Variants in GTF2I observed in about 807,000 individuals in gnomAD.
GTF2I encodes the protein general transcription factor II-I.
Under a neutral mutation model 67.6 loss-of-function variants are expected in GTF2I, and 12 were observed. The observed-to-expected ratio is 0.18, with a 90% confidence interval of 0.11 to 0.29. The LOEUF (loss-of-function observed/expected upper bound fraction) is 0.29, where lower values mean the gene tolerates loss of function less well. Among genes scored for constraint, GTF2I ranks in the 10% least tolerant of loss-of-function variants. GTF2I has a pLI of 1.00. For missense variants in GTF2I, 271 were observed against 580.1 expected (o/e 0.47, Z 5.47); for synonymous variants, 149 against 197.0 (o/e 0.76, Z 2.04).
intron 12 of GTF2I, among the ~76,000 whole-genome samples, chr7:74,723,829 G>A (rs1254559805): frequency 2.0e-5 from 3 of 151,390 alleles, no homozygotes; most frequent in Non-Finnish European, 2.9e-5. Flanking sequence ...TCTAGGAAAC[G>A]TGGTGACTAT....
intron 1 of GTF2I, among the ~76,000 whole-genome samples, chr7:74,678,194 A>G (rs1346957207): frequency 6.7e-6 from 1 of 148,746 alleles, no homozygotes; most frequent in Non-Finnish European, 1.5e-5. Flanking sequence ...CGCTGGGATT[A>G]CAGGTGTGAG....
chr7:74,662,473 G>C (rs1192780894), intron 1 of GTF2I, among the ~76,000 whole-genome samples: 1 of 137,906 alleles, frequency 7.3e-6, no homozygotes, highest in Non-Finnish European at 1.5e-5. Flanking sequence ...GCCTCCTTAA[G>C]TGCTGGGATT....
chr7:74,707,925 G>T (rs868978496), intron 8 of GTF2I, among the ~76,000 whole-genome samples: 1 of 150,378 alleles, frequency 6.6e-6, no homozygotes, highest in South Asian at 2.1e-4. Context: ...AATTTATCCT[G>T]CAAATAAGAT....
chr7:74,662,204 C>CTTTTTTTT (rs59914241), intron 1 of GTF2I, among the ~76,000 whole-genome samples: 1 of 82,596 alleles, frequency 1.2e-5, no homozygotes, highest in African/African-American at 5.5e-5. Flanking sequence ...TTTTTTCTTT[C>CTTTTTTTT]TTTTTTTTTT....
chr7:74,701,716 C>T (rs587631149), intron 6 of GTF2I, among the ~76,000 whole-genome samples: 2 of 152,152 alleles, frequency 1.3e-5, no homozygotes, highest in Non-Finnish European at 2.9e-5. Context: ...CCACCCGCCC[C>T]GGCCTCCCAA....
At chr7:74,684,231 A>G (rs1787497831) in intron 1 of GTF2I, among the ~76,000 whole-genome samples, 2 of 152,220 alleles carry the variant, frequency 1.3e-5, no homozygotes, top group Admixed American at 6.5e-5. Context: ...ACATATATTC[A>G]ATAAATGTTC....
At chr7:74,692,686 A>G (rs1254152346) in intron 3 of GTF2I, among the ~76,000 whole-genome samples, 1 of 152,236 alleles carries the variant, frequency 6.6e-6, no homozygotes, top group African/African-American at 2.4e-5. Flanking sequence ...TTTCTTAAAA[A>G]CATGGAAAGG....
At chr7:74,716,651 C>A (rs1223245326) in intron 10 of GTF2I, 1 of 377,634 alleles carries the variant, frequency 2.6e-6, no homozygotes, top group Non-Finnish European at 4.8e-6. Flanking sequence ...ATATTAAATC[C>A]CCAAACCTAC....
intron 3 of GTF2I, among the ~76,000 whole-genome samples, chr7:74,698,389 CTTTTTTTTT>C (rs67968753): frequency 1.3e-4 from 7 of 55,890 alleles, no homozygotes; most frequent in African/African-American, 1.7e-4. Flanking sequence ...CGCACCTGGC[CTTTTTTTTT>C]TTTTTTTTTT....
intron 1 of GTF2I, among the ~76,000 whole-genome samples, chr7:74,682,436 C>T (rs1787351670): frequency 6.6e-6 from 1 of 152,164 alleles, no homozygotes; most frequent in African/African-American, 2.4e-5. Flanking sequence ...AAACATTTCA[C>T]CACTTGACCT....
chr7:74,680,956 G>A (rs587690741), intron 1 of GTF2I, among the ~76,000 whole-genome samples: 14 of 152,306 alleles, frequency 9.2e-5, no homozygotes, highest in Non-Finnish European at 1.5e-4. Context: ...AATGGCTAGA[G>A]TCTTGTTTTC....
chr7:74,693,884 T>C (rs1788618388), intron 3 of GTF2I, among the ~76,000 whole-genome samples: 1 of 152,032 alleles, frequency 6.6e-6, no homozygotes, highest in Non-Finnish European at 1.5e-5. Flanking sequence ...AATAGACCTA[T>C]AGTGGCCTCT....
At chr7:74,689,000 T>C (rs938212505) in intron 1 of GTF2I, 124 bp from the exon 2 acceptor site, 4 of 660,206 alleles carry the variant, frequency 6.1e-6, no homozygotes, top group Non-Finnish European at 1.1e-5. Flanking sequence ...TTCTGAGCCT[T>C]ATTTTGTCTC....
At chr7:74,680,405 G>A (rs1319472710) in intron 1 of GTF2I, among the ~76,000 whole-genome samples, 1 of 151,784 alleles carries the variant, frequency 6.6e-6, no homozygotes, top group African/African-American at 2.4e-5. Flanking sequence ...GATAAGGTTT[G>A]TAAAAATCTT....
rs914716581 is a variant in GTF2I at position 74,714,837 on chromosome 7, A to G, written c.764-20A>G. 6.4e-7 allele frequency: 1 copy of G among 1,571,762 alleles called. No homozygotes were observed. The highest frequency in any genetic ancestry group is 8.7e-7 in the Non-Finnish European group (1 of 1,151,050). On this transcript the variant is annotated intron_variant, in intron 9 of 34. Coordinates refer to ENST00000573035, the MANE Select transcript of GTF2I (RefSeq NM_032999.4). The stretch of plus-strand genomic sequence containing the variant: ...TTTTGGGGGGGATTACTTTTGAAGT[A>G]TTATCTTTGTATCCCAAAGCAGGCC...
intron 3 of GTF2I, among the ~76,000 whole-genome samples, chr7:74,692,471 C>A (rs993937912): frequency 3.3e-5 from 5 of 152,334 alleles, no homozygotes; most frequent in African/African-American, 1.2e-4. Flanking sequence ...CTCCTCCACT[C>A]CCTCACAGAT....
At chr7:74,728,330 A>C (rs1299422419) in intron 12 of GTF2I, among the ~76,000 whole-genome samples, 2 of 151,848 alleles carry the variant, frequency 1.3e-5, no homozygotes, top group Admixed American at 6.6e-5. Flanking sequence ...AAAAACAAAA[A>C]AAAACTATTT....
At chr7:74,690,074 G>A (rs1209140833) in intron 2 of GTF2I, among the ~76,000 whole-genome samples, 23 of 152,098 alleles carry the variant, frequency 1.5e-4, no homozygotes, top group African/African-American at 5.1e-4. Context: ...AAATTAGCCA[G>A]CGTGGCAGCG....
chr7:74,695,754 CATTG>C (rs1243742760), intron 3 of GTF2I, among the ~76,000 whole-genome samples: 2 of 152,020 alleles, frequency 1.3e-5, no homozygotes, highest in South Asian at 2.1e-4. Flanking sequence ...AATGTTCAAG[CATTG>C]ATTATGTTTC....
Sources: allele counts gnomAD v4.1 joint callset (sites outside exome capture counted in the v4.1 genomes callset), GRCh38; gene constraint gnomAD v4.1.1; transcripts MANE v1.5; gene names NCBI Gene and HGNC (gene_info 2026-07-23, HGNC 2026-07-21).